Variants in ATP9B observed in about 807,000 individuals in gnomAD.
The protein encoded by ATP9B is ATPase phospholipid transporting 9B, also known as probable phospholipid-transporting ATPase IIB.
In ATP9B, 110 loss-of-function variants were observed where a neutral mutation model predicts 146.1. That is an observed-to-expected ratio of 0.75 (90% CI 0.65 to 0.88). The LOEUF (loss-of-function observed/expected upper bound fraction) is 0.88. ATP9B is among the 40% of genes least tolerant of loss of function. The pLI is 0.00. For missense variants in ATP9B, 1,499 were observed against 1,496.4 expected (o/e 1.00, Z -0.03); for synonymous variants, 604 against 569.7 (o/e 1.06, Z -0.86).
intron 7 of ATP9B, among the ~76,000 whole-genome samples, chr18:79,175,656 G>C (rs1405187865): frequency 3.9e-5 from 6 of 152,158 alleles, no homozygotes; most frequent in East Asian, 1.9e-4. Context: ...CACACACACA[G>C]AAACACACAG....
Position 79,176,796 on chromosome 18 carries a change from T to C in ATP9B, c.779-17T>C. 1 of 1,610,770 alleles carries C rather than the reference T, an allele frequency of 6.2e-7. No homozygotes were observed. The highest frequency in any genetic ancestry group is 2.2e-5 in the East Asian group (1 of 44,856). On this transcript the variant is annotated splice_polypyrimidine_tract_variant and intron_variant, in intron 7 of 29. Coordinates refer to ENST00000426216, the MANE Select transcript of ATP9B (RefSeq NM_198531.5). ...TAACAATTCAAGAGTGGTAAATTTT[T>C]ATTCTCTACTTCCAAGGTTCGTGTT...
At position 79,138,528 on chromosome 18, in the gene ATP9B, A is replaced by T. The variant is rs75393064; in HGVS notation, c.668-5274A>T. Among the ~76,000 whole-genome samples the T allele has an allele frequency of 6.9e-3, 1,054 of 152,252 alleles. 15 individuals carry two copies. Among genetic ancestry groups the T allele is most frequent in the African/African-American group, 0.024 (1,003 of 41,544 alleles). ...CCTCAAACTCTACAGAGATACATGG[A>T]TGTGAGTAATTTGGCAATGAGTCTA... On this transcript the variant is annotated intron_variant, in intron 5 of 29. Transcript: ENST00000426216.
At chr18:79,177,037 C>T in intron 8 of ATP9B, 130 bp downstream of exon 8, 1 of 718,594 alleles carries the variant, frequency 1.4e-6, no homozygotes, top group Non-Finnish European at 2.2e-6. Context: ...CTTTATTCCT[C>T]ATGAAGGTTC....
At chr18:79,080,116 C>T (rs1024498016) in intron 1 of ATP9B, among the ~76,000 whole-genome samples, 2 of 152,124 alleles carry the variant, frequency 1.3e-5, no homozygotes, top group Non-Finnish European at 2.9e-5. Flanking sequence ...ATTGTCTTGG[C>T]TATGTGGGCT....
intron 11 of ATP9B, among the ~76,000 whole-genome samples, chr18:79,231,629 ACTACTGGGTAT>A (rs1325176131): frequency 6.6e-6 from 1 of 152,116 alleles, no homozygotes; most frequent in African/African-American, 2.4e-5. Flanking sequence ...CAGCAGTCCC[ACTACTGGGTAT>A]CTACCCAGAG....
chr18:79,154,197 A>C (rs1395085349), intron 6 of ATP9B, among the ~76,000 whole-genome samples: 4 of 151,180 alleles, frequency 2.6e-5, no homozygotes, highest in African/African-American at 9.7e-5. Flanking sequence ...TCATGACCTC[A>C]TGATCCGCCT....
At chr18:79,365,976 G>A (rs2097025657) in intron 26 of ATP9B, among the ~76,000 whole-genome samples, 1 of 152,284 alleles carries the variant, frequency 6.6e-6, no homozygotes, top group Non-Finnish European at 1.5e-5. Context: ...TGGCCAGCCT[G>A]TGTGTCATGC....
chr18:79,351,485 ATAAAT>A (rs1378822565), intron 25 of ATP9B, among the ~76,000 whole-genome samples: 2 of 152,252 alleles, frequency 1.3e-5, no homozygotes, highest in East Asian at 3.8e-4. Flanking sequence ...TTCTTTGAAA[ATAAAT>A]AATGAGTTTG....
intron 17 of ATP9B, among the ~76,000 whole-genome samples, chr18:79,336,072 C>T (rs1414805975): frequency 7.0e-6 from 1 of 142,190 alleles, no homozygotes; most frequent in African/African-American, 2.6e-5. Context: ...GTGCTCCCCT[C>T]GCCCGTCCCC....
At chr18:79,137,510 G>A (rs1032421241) in intron 5 of ATP9B, among the ~76,000 whole-genome samples, 4 of 152,156 alleles carry the variant, frequency 2.6e-5, no homozygotes, top group African/African-American at 9.7e-5. Context: ...ATTCCCCAGC[G>A]TGAGGCCAGA....
At chr18:79,256,728 A>G (rs1392550236) in intron 12 of ATP9B, among the ~76,000 whole-genome samples, 1 of 152,014 alleles carries the variant, frequency 6.6e-6, no homozygotes, top group African/African-American at 2.4e-5. Flanking sequence ...ATCCACTTAC[A>G]TGCTTTATTT....
intron 25 of ATP9B, among the ~76,000 whole-genome samples, chr18:79,350,771 CTT>C (rs34086629): frequency 5.0e-4 from 70 of 140,772 alleles, no homozygotes; most frequent in East Asian, 6.2e-4. Flanking sequence ...ACATTAGTTG[CTT>C]TTTTTTTTTT....
chr18:79,216,273 T>C (rs1365368167), intron 11 of ATP9B, among the ~76,000 whole-genome samples: 1 of 152,198 alleles, frequency 6.6e-6, no homozygotes, highest in Non-Finnish European at 1.5e-5. Context: ...GTCTTGGTTC[T>C]GCGTTGGAGC....
At chr18:79,265,307 T>C (rs905351811) in intron 12 of ATP9B, among the ~76,000 whole-genome samples, 1 of 152,228 alleles carries the variant, frequency 6.6e-6, no homozygotes, top group African/African-American at 2.4e-5. Flanking sequence ...CACATTTTCT[T>C]TATCCAGTCT....
intron 11 of ATP9B, among the ~76,000 whole-genome samples, chr18:79,235,617 G>A (rs2095834101): frequency 6.7e-6 from 1 of 149,010 alleles, no homozygotes; most frequent in Non-Finnish European, 1.5e-5. Context: ...ATCATAAAAC[G>A]AGCACCCACT....
intron 12 of ATP9B, among the ~76,000 whole-genome samples, chr18:79,265,852 A>G (rs2096198124): frequency 6.6e-6 from 1 of 152,166 alleles, no homozygotes; most frequent in Non-Finnish European, 1.5e-5. Flanking sequence ...GTTGTCTTCC[A>G]GGATTTCTAT....
chr18:79,210,468 TG>T (rs2095574272), intron 10 of ATP9B, among the ~76,000 whole-genome samples: 1 of 152,190 alleles, frequency 6.6e-6, no homozygotes, highest in African/African-American at 2.4e-5. Flanking sequence ...ACTCTAGACC[TG>T]GGTGTGGGTC....
chr18:79,189,469 G>A (rs1444913258), intron 8 of ATP9B, among the ~76,000 whole-genome samples: 3 of 151,972 alleles, frequency 2.0e-5, no homozygotes, highest in Non-Finnish European at 2.9e-5. Flanking sequence ...AAACATTTAT[G>A]TGTAAACTTT....
At chr18:79,283,436 G>A (rs1293710938) in intron 13 of ATP9B, among the ~76,000 whole-genome samples, 1 of 152,148 alleles carries the variant, frequency 6.6e-6, no homozygotes, top group Non-Finnish European at 1.5e-5. Context: ...GTGTAAATGG[G>A]GTCTGTGCTT....
Sources: gnomAD v4.1 joint callset for allele counts (sites outside exome capture counted in the v4.1 genomes callset) on GRCh38, gnomAD v4.1.1 for gene constraint, MANE v1.5 for transcripts, NCBI Gene and HGNC (gene_info 2026-07-23, HGNC 2026-07-21) for gene names.